WDFY2: variants seen among roughly 807,000 people sequenced by gnomAD.
WDFY2 encodes WD repeat and FYVE domain containing 2, also known as WD repeat and FYVE domain-containing protein 2.
WDFY2 carries 36 observed loss-of-function variants against 56.4 expected under a neutral mutation model. That is an observed-to-expected ratio of 0.64 (90% CI 0.49 to 0.84). The LOEUF is 0.84. Among genes scored for constraint, WDFY2 ranks in the 40% least tolerant of loss-of-function variants. The probability of loss-of-function intolerance (pLI) is 0.00; values close to 1 mark genes in which losing one functional copy is unlikely to be tolerated. For missense variants in WDFY2, 444 were observed against 512.2 expected, an observed-to-expected ratio of 0.87 and a Z score of 1.29; for synonymous variants, 176 against 183.7, an observed-to-expected ratio of 0.96 and a Z score of 0.34.
intron 5 of WDFY2, among the ~76,000 whole-genome samples, chr13:51,722,608 A>C (rs1952515378): frequency 6.6e-6 from 1 of 152,242 alleles, no homozygotes; most frequent in Non-Finnish European, 1.5e-5. Context: ...ATGTGAAGTA[A>C]AAACAAAAGA....
chr13:51,758,183 T>C lies in WDFY2; in HGVS notation c.1065-9T>C. On this transcript the variant is annotated splice_polypyrimidine_tract_variant and intron_variant, in intron 10 of 11. Coordinates refer to ENST00000298125, the MANE Select transcript of WDFY2 (RefSeq NM_052950.4). ...TTTTCCCCTCAGAAGCTTTCTTTGC[T>C]CCTTCTAGACGTGCACCCACAGCCA... 6.5e-7 allele frequency: 1 copy of C among 1,543,752 alleles called. No individual in the cohort carries two copies. Among genetic ancestry groups the C allele is most frequent in the Non-Finnish European group, 8.9e-7 (1 of 1,128,088 alleles).
At chr13:51,738,087 A>C (rs1345198752) in intron 6 of WDFY2, among the ~76,000 whole-genome samples, 1 of 152,210 alleles carries the variant, frequency 6.6e-6, no homozygotes, top group Non-Finnish European at 1.5e-5. Context: ...CATTAGAACA[A>C]ACTGATAATC....
chr13:51,701,219 A>C (rs929666655), intron 3 of WDFY2, among the ~76,000 whole-genome samples: 1 of 152,028 alleles, frequency 6.6e-6, no homozygotes, highest in Non-Finnish European at 1.5e-5. Context: ...TTGTGTTTCT[A>C]TGATCAAAAA....
intron 1 of WDFY2, among the ~76,000 whole-genome samples, chr13:51,585,099 G>A (rs1280842853): frequency 6.6e-6 from 1 of 152,242 alleles, no homozygotes; most frequent in African/African-American, 2.4e-5. Context: ...CTAACGGTGC[G>A]CTGGAGGGAC....
chr13:51,629,034 T>C lies in WDFY2; in HGVS notation c.138-31562T>C, dbSNP rs533850536. Among the ~76,000 whole-genome samples the C allele has an allele frequency of 4.3e-4, 66 of 152,334 alleles. 1 individual carries two copies. Among genetic ancestry groups the C allele is most frequent in the African/African-American group, 1.4e-3 (59 of 41,570 alleles). ...ATTATTTCTTAGGTCCCCTTCAACTTTGAAGTTGAAATTCTGAGACCCAGA... is the reference window on the plus strand; with the variant it reads ...ATTATTTCTTAGGTCCCCTTCAACTCTGAAGTTGAAATTCTGAGACCCAGA... On this transcript the variant is annotated intron_variant, in intron 1 of 11. Coordinates refer to ENST00000298125, the MANE Select transcript of WDFY2 (RefSeq NM_052950.4).
chr13:51,707,958 T>TTTTTTTG (rs1952122706), intron 4 of WDFY2, among the ~76,000 whole-genome samples: 1 of 129,690 alleles, frequency 7.7e-6, no homozygotes, highest in African/African-American at 2.9e-5. Context: ...TTTTTTTTTT[T>TTTTTTTG]TTTTTTTTTT....
chr13:51,599,117 C>G (rs1192038392), intron 1 of WDFY2: 1 of 152,394 alleles, frequency 6.6e-6, no homozygotes, highest in African/African-American at 2.4e-5. Context: ...CCACGTTGGC[C>G]AGGATGGTCT....
chr13:51,715,955 A>G (rs1029745800), intron 4 of WDFY2, among the ~76,000 whole-genome samples: 1 of 152,190 alleles, frequency 6.6e-6, no homozygotes, highest in African/African-American at 2.4e-5. Context: ...CGTTATTCAT[A>G]ATGGCCAAAA....
In WDFY2 at chr13:51,713,013, C is replaced by A. The variant is rs191251373; in HGVS notation, c.335-6185C>A. Among the ~76,000 whole-genome samples, 28 of 152,226 alleles carry A rather than the reference C, an allele frequency of 1.8e-4. No individual in the cohort carries two copies. The East Asian group carries it at 5.2e-3, about 28-fold the overall frequency. ...ACCTTCCCACAAAGAAAGCTCCAGG[C>A]CCACATGCCTTTACTGGTGAATTTT... On this transcript the variant is annotated intron_variant, in intron 4 of 11. Coordinates refer to ENST00000298125, the MANE Select transcript of WDFY2 (RefSeq NM_052950.4).
At chr13:51,660,560 A>G in intron 1 of WDFY2, 36 bp from the exon 2 acceptor site, 1 of 1,586,834 alleles carries the variant, frequency 6.3e-7, no homozygotes, top group Non-Finnish European at 8.7e-7. Context: ...GGCTAAGAAT[A>G]ATGTGATTTC....
chr13:51,605,774 C>A (rs1663053007), intron 1 of WDFY2, among the ~76,000 whole-genome samples: 1 of 152,166 alleles, frequency 6.6e-6, no homozygotes, highest in African/African-American at 2.4e-5. Context: ...GTATTTGGTG[C>A]ATCTGAGAGA....
intron 4 of WDFY2, among the ~76,000 whole-genome samples, chr13:51,716,616 C>T (rs941234948): frequency 3.4e-5 from 5 of 147,010 alleles, no homozygotes; most frequent in Non-Finnish European, 7.5e-5. Flanking sequence ...TGGCGTGAAC[C>T]CGGGAGGCGG....
chr13:51,587,605 C>T (rs546306577), intron 1 of WDFY2: 48 of 152,260 alleles, frequency 3.2e-4, no homozygotes, highest in African/African-American at 9.4e-4. Context: ...TCATTTATTC[C>T]GTCAACAAAC....
chr13:51,611,231 A>G (rs1056898802), intron 1 of WDFY2, among the ~76,000 whole-genome samples: 1 of 152,220 alleles, frequency 6.6e-6, no homozygotes, highest in African/African-American at 2.4e-5. Flanking sequence ...GTTGAATGTA[A>G]AATGGAAGTA....
Position 51,584,667 on chromosome 13 carries a change from C to G in WDFY2, c.-21C>G, listed in dbSNP as rs776222560. ...CCGCGGCGCGGTTGGCGGCGGCGCC[C>G]CAGGCGCGCCCCCTCCTCCGATGGC... On this transcript the variant is annotated 5_prime_UTR_variant, in exon 1 of 12. Coordinates refer to ENST00000298125, the MANE Select transcript of WDFY2 (RefSeq NM_052950.4). 5 of 1,604,460 alleles carry G rather than the reference C, an allele frequency of 3.1e-6. No individual in the cohort carries two copies. Among genetic ancestry groups the G allele is most frequent in the African/African-American group, 2.7e-5 (2 of 74,696 alleles).
chr13:51,700,770 A>C (rs965830309), intron 3 of WDFY2, among the ~76,000 whole-genome samples: 9 of 152,112 alleles, frequency 5.9e-5, no homozygotes, highest in African/African-American at 2.2e-4. Flanking sequence ...GTTCAAGACC[A>C]GCCTGACCAA....
chr13:51,625,694 A>T (rs1954824917), intron 1 of WDFY2, among the ~76,000 whole-genome samples: 1 of 152,208 alleles, frequency 6.6e-6, no homozygotes, highest in African/African-American at 2.4e-5. Flanking sequence ...AGCTAAGCAA[A>T]AATATTACTG....
At chr13:51,606,387 A>T (rs1017607082) in intron 1 of WDFY2, among the ~76,000 whole-genome samples, 1 of 152,200 alleles carries the variant, frequency 6.6e-6, no homozygotes, top group Admixed American at 6.5e-5. Context: ...GAAATTACCT[A>T]TGCTGTTATT....
intron 1 of WDFY2, among the ~76,000 whole-genome samples, chr13:51,636,404 C>A (rs1016952859): frequency 2.0e-5 from 3 of 152,208 alleles, no homozygotes; most frequent in Non-Finnish European, 4.4e-5. Context: ...AGTGCCAGTT[C>A]TAGCAGAGAG....
Sources: gnomAD v4.1 joint callset for allele counts (sites outside exome capture counted in the v4.1 genomes callset) on GRCh38, gnomAD v4.1.1 for gene constraint, MANE v1.5 for transcripts, NCBI Gene and HGNC (gene_info 2026-07-23, HGNC 2026-07-21) for gene names.